Variants in PLAGL1 observed in about 807,000 individuals in gnomAD.
PLAGL1 encodes PLAG1 like zinc finger 1.
In PLAGL1, 1 loss-of-function variant was observed where a neutral mutation model predicts 4.6. The ratio of observed to expected loss-of-function variants is 0.22; its 90% CI spans 0.08 to 1.03. PLAGL1 has a LOEUF of 1.03. PLAGL1 is among the 50% of genes least tolerant of loss of function. The probability of loss-of-function intolerance (pLI) is 0.58; values close to 1 mark genes in which losing one functional copy is unlikely to be tolerated. For missense variants in PLAGL1, 464 were observed against 570.4 expected, an observed-to-expected ratio of 0.81 and a Z score of 1.90; for synonymous variants, 240 against 237.8, an observed-to-expected ratio of 1.01 and a Z score of -0.08.
rs1798699426 is a variant in PLAGL1, at chr6:144,053,126, C to A, written c.-151+11342G>T. On this transcript the variant is annotated intron_variant, in intron 1 of 3. Transcript: ENST00000437412. The surrounding 1 kb of genome is among the most constrained non-coding windows in gnomAD (Gnocchi z 4.0). ...CCTTATCAGCTACAACCACACATTG[C>A]CAAAATCAATCAATCAATCATTTTT... is the stretch of plus-strand genomic sequence containing the variant. Among the ~76,000 whole-genome samples the A allele has an allele frequency of 6.6e-6, 1 of 152,128 alleles. No individual in the cohort carries two copies. Among genetic ancestry groups the A allele is most frequent in the African/African-American group, 2.4e-5 (1 of 41,412 alleles).
rs1322834326 is a variant in PLAGL1 at position 143,990,890 on chromosome 6, C to A, written c.-583-5716G>T. 6.6e-6 allele frequency among the ~76,000 whole-genome samples: 1 copy of A among 152,118 alleles called. No homozygotes were observed. Among genetic ancestry groups the A allele is most frequent in the Non-Finnish European group, 1.5e-5 (1 of 68,036 alleles). On this transcript the variant is annotated intron_variant, in intron 1 of 7. Coordinates refer to ENST00000674357, the MANE Select transcript of PLAGL1 (RefSeq NM_001317162.2). The surrounding 1 kb of genome is among the most constrained non-coding windows in gnomAD (Gnocchi z 5.4). ...TTTTTAATTGAGAAAAAGGACCTTG[C>A]TTTGCCTATGAATGTTTTCTGTGTT...
chr6:143,956,667 A>G (rs1374510028), intron 6 of PLAGL1, among the ~76,000 whole-genome samples: 1 of 152,218 alleles, frequency 6.6e-6, no homozygotes, highest in African/African-American at 2.4e-5. Flanking sequence ...TAACCTATTG[A>G]GTCAAGCCTA....
chr6:144,057,574 G>A (rs1799066640), intron 1 of PLAGL1, among the ~76,000 whole-genome samples: 1 of 152,088 alleles, frequency 6.6e-6, no homozygotes, highest in South Asian at 2.1e-4. Context: ...GTACTCGAAA[G>A]ATTCCAAACC....
rs887063441 is a variant in PLAGL1 at position 143,949,340 on chromosome 6, G to A, written c.-324-880C>T. 6.6e-6 allele frequency among the ~76,000 whole-genome samples: 1 copy of A among 152,218 alleles called. No homozygotes were observed. Reference sequence around the variant, plus strand: ...CAGGTTCTTCTTTTTCTACCAATTGGCCATCATTGGAGGAACCTGAAGTGT... The same window carrying A: ...CAGGTTCTTCTTTTTCTACCAATTGACCATCATTGGAGGAACCTGAAGTGT... On this transcript the variant is annotated intron_variant, in intron 6 of 7. Transcript: ENST00000674357. This position sits in a 1 kb window ranked among gnomAD's most constrained non-coding sequence, Gnocchi z 5.3.
intron 2 of PLAGL1, among the ~76,000 whole-genome samples, chr6:143,980,566 C>CT (rs754041243): frequency 6.6e-6 from 1 of 152,090 alleles, no homozygotes; most frequent in Non-Finnish European, 1.5e-5. Context: ...CCACCTTATG[C>CT]TTTCCACTAC....
At chr6:143,986,864 A>T (rs1377087016) in intron 1 of PLAGL1, among the ~76,000 whole-genome samples, 1 of 152,128 alleles carries the variant, frequency 6.6e-6, no homozygotes, top group Non-Finnish European at 1.5e-5. Flanking sequence ...AATTTTACAG[A>T]CGTCTCCTGG....
In PLAGL1 at chr6:144,016,798, G is replaced by T. The variant is rs1262707540; in HGVS notation, c.-151+47670C>A. ...CATTAAATTATTTCCTTTCTTATTT[G>T]GATAGGATGAGGAGAAATCACATGA... On this transcript the variant is annotated intron_variant, in intron 1 of 3. Transcript: ENST00000437412. The surrounding 1 kb of genome is among the most constrained non-coding windows in gnomAD (Gnocchi z 4.2). Among the ~76,000 whole-genome samples the T allele has an allele frequency of 2.0e-5, 3 of 152,116 alleles. No homozygotes were observed. Among genetic ancestry groups the T allele is most frequent in the African/African-American group, 7.2e-5 (3 of 41,422 alleles).
upstream of PLAGL1, chr6:144,008,667 C>T (rs1286257247): frequency 6.6e-6 from 1 of 152,396 alleles, no homozygotes; most frequent in Non-Finnish European, 1.5e-5. The surrounding 1 kb of genome is among the most constrained non-coding windows in gnomAD (Gnocchi z 6.9). Flanking sequence ...GGATGGGCCG[C>T]CAGAGCCCAA....
chr6:143,990,962 G>A lies in PLAGL1; in HGVS notation c.-583-5788C>T, dbSNP rs1228251690. 1.3e-5 allele frequency among the ~76,000 whole-genome samples: 2 copies of A among 152,206 alleles called. No individual in the cohort carries two copies. The highest frequency in any genetic ancestry group is 2.9e-5 in the Non-Finnish European group (2 of 68,034). ...TAATTGTTCCAACCACATGAGAATA[G>A]GTGGCTTTAGCCCCTTTGTACAAAT... On this transcript the variant is annotated intron_variant, in intron 1 of 7. Transcript: ENST00000674357. The surrounding 1 kb of genome is among the most constrained non-coding windows in gnomAD (Gnocchi z 5.4).
chr6:144,019,255 C>T (rs189635098), intron 1 of PLAGL1, among the ~76,000 whole-genome samples: 12 of 152,096 alleles, frequency 7.9e-5, no homozygotes, highest in East Asian at 3.9e-4. Context: ...GGGTGGATCA[C>T]GAGGTCAGGA....
At position 144,004,807 on chromosome 6, in the gene PLAGL1, T is replaced by C. The variant is rs982185757; in HGVS notation, c.-584+3283A>G. 1 of 151,566 alleles carries C rather than the reference T, an allele frequency of 6.6e-6. No individual in the cohort carries two copies. The highest frequency in any genetic ancestry group is 1.9e-4 in the East Asian group (1 of 5,168). The allele number at this position is 151,566 out of a possible 1,614,324, so 9.4% of individuals were successfully genotyped here. Reference sequence around the variant, plus strand: ...ACCTTAAAAGATGTGGGTGATAGAGTGAGGAAGTCTAACAGAAGTCTAATC... The same window carrying C: ...ACCTTAAAAGATGTGGGTGATAGAGCGAGGAAGTCTAACAGAAGTCTAATC... On this transcript the variant is annotated intron_variant, in intron 1 of 7. Transcript: ENST00000674357. This position sits in a 1 kb window ranked among gnomAD's most constrained non-coding sequence, Gnocchi z 4.2.
rs371603362 is a variant in PLAGL1 at position 143,982,626 on chromosome 6, G to A, written c.-544+2509C>T. On this transcript the variant is annotated intron_variant, in intron 2 of 7. Transcript: ENST00000674357. The surrounding 1 kb of genome is among the most constrained non-coding windows in gnomAD (Gnocchi z 5.3). The stretch of plus-strand genomic sequence containing the variant: ...ACTCTTATAAAGAGATGATGAAGGC[G>A]TGCACCAGTGCAGTAGCAGAAGAGC... Among the ~76,000 whole-genome samples the A allele has an allele frequency of 1.1e-4, 16 of 152,302 alleles. No individual in the cohort carries two copies. The East Asian group carries it at 2.3e-3, about 22-fold the overall frequency.
At chr6:144,025,317 A>G (rs901832330) in intron 1 of PLAGL1, among the ~76,000 whole-genome samples, 3 of 152,240 alleles carry the variant, frequency 2.0e-5, no homozygotes, top group African/African-American at 7.2e-5. Flanking sequence ...TGTCACAGCC[A>G]AGAAGTCCCT....
Position 144,050,737 on chromosome 6 carries a change from T to A in PLAGL1, c.-151+13731A>T, listed in dbSNP as rs1173786514. Among the ~76,000 whole-genome samples the A allele has an allele frequency of 3.3e-5, 5 of 151,888 alleles. No individual in the cohort carries two copies. ...AGACCCTGTTTCTACAAAAAAAAAT[T>A]TTTTTTTAAGTAAATCAGGTGTGGT... On this transcript the variant is annotated intron_variant, in intron 1 of 3. Coordinates refer to the PLAGL1 transcript ENST00000437412. This position sits in a 1 kb window ranked among gnomAD's most constrained non-coding sequence, Gnocchi z 4.3.
At chr6:144,046,268 T>C (rs900725425) in intron 1 of PLAGL1, among the ~76,000 whole-genome samples, 1 of 152,222 alleles carries the variant, frequency 6.6e-6, no homozygotes, top group African/African-American at 2.4e-5. Context: ...AAAGGTGCTC[T>C]GGTTTTTAGA....
At position 144,050,289 on chromosome 6, in the gene PLAGL1, T is replaced by A. The variant is rs1342182832; in HGVS notation, c.-151+14179A>T. Among the ~76,000 whole-genome samples, 1 of 152,168 alleles carries A rather than the reference T, an allele frequency of 6.6e-6. No individual in the cohort carries two copies. The highest frequency in any genetic ancestry group is 1.5e-5 in the Non-Finnish European group (1 of 68,034). ...ACCTCCTGTGCTAATTATTGTTCTT[T>A]TATTTCCCCTTGAAATCGACTGCTG... On this transcript the variant is annotated intron_variant, in intron 1 of 3. Transcript: ENST00000437412. The surrounding 1 kb of genome is among the most constrained non-coding windows in gnomAD (Gnocchi z 4.3).
chr6:144,027,082 GC>G lies in PLAGL1; in HGVS notation c.-151+37385del, dbSNP rs1796393088. On this transcript the variant is annotated intron_variant, in intron 1 of 3. Transcript: ENST00000437412. The surrounding 1 kb of genome is among the most constrained non-coding windows in gnomAD (Gnocchi z 5.8). The stretch of plus-strand genomic sequence containing the variant: ...AAAACAAAATTAAAAAAATTAGTCA[GC>G]CGCGGTGGCATGCATCTGTGATCCC... Among the ~76,000 whole-genome samples the G allele has an allele frequency of 6.6e-6, 1 of 151,774 alleles. No homozygotes were observed. The highest frequency in any genetic ancestry group is 2.4e-5 in the African/African-American group (1 of 41,278).
At chr6:144,052,733 A>C (rs925492420) in intron 1 of PLAGL1, among the ~76,000 whole-genome samples, 3 of 152,192 alleles carry the variant, frequency 2.0e-5, no homozygotes, top group Admixed American at 1.3e-4. Flanking sequence ...AAACCAAAAA[A>C]AGAAAAAAAA....
In PLAGL1 at chr6:143,957,969, A is replaced by G. The variant is rs897629182; in HGVS notation, c.-325+2500T>C. Among the ~76,000 whole-genome samples the G allele has an allele frequency of 6.6e-6, 1 of 152,216 alleles. No homozygotes were observed. The highest frequency in any genetic ancestry group is 2.4e-5 in the African/African-American group (1 of 41,448). ...CTGAGTCTAGGAGTATACCCGGTTGACAAATGGAGGAGGCATATTGCAGAG... is the reference window on the plus strand; with the variant it reads ...CTGAGTCTAGGAGTATACCCGGTTGGCAAATGGAGGAGGCATATTGCAGAG... On this transcript the variant is annotated intron_variant, in intron 6 of 7. Transcript: ENST00000674357. The surrounding 1 kb of genome is among the most constrained non-coding windows in gnomAD (Gnocchi z 4.2).
Sources: gnomAD v4.1 joint callset for allele counts (sites outside exome capture counted in the v4.1 genomes callset) on GRCh38, gnomAD v4.1.1 for gene constraint, Gnocchi (gnomAD v3.1) non-coding constraint, MANE v1.5 for transcripts, NCBI Gene and HGNC (gene_info 2026-07-23, HGNC 2026-07-21) for gene names.